Variants in SEMA6A observed in about 807,000 individuals in gnomAD.
SEMA6A encodes the protein semaphorin 6A.
In SEMA6A, 25 loss-of-function variants were observed where a neutral mutation model predicts 96.8. That is an observed-to-expected ratio of 0.26 (90% CI 0.19 to 0.36). The LOEUF (loss-of-function observed/expected upper bound fraction) is 0.36. SEMA6A is among the 10% of genes least tolerant of loss of function. The pLI, the probability that SEMA6A is intolerant of heterozygous loss-of-function variation, is 1.00. For synonymous variants in SEMA6A, 612 were observed against 518.0 expected, an observed-to-expected ratio of 1.18 and a Z score of -2.46; for missense variants, 1,363 against 1,323.1, an observed-to-expected ratio of 1.03 and a Z score of -0.47.
At position 116,488,933 on chromosome 5, in the gene SEMA6A, T is replaced by C. The variant is rs1157372644; in HGVS notation, c.610A>G (p.Ser204Gly). Residue 204 changes from serine (S) to glycine (G), a missense_variant, in exon 8 of 19, where the codon AGC becomes GGC. Coordinates refer to ENST00000343348, the MANE Select transcript of SEMA6A (RefSeq NM_020796.5). ...DAVIYRSLGE[S>G]PTLRTVKHDS... ...TGCTTGACGGTCCGCAGGGTAGGGC[T>C]TTCTCCAAGACTCCGGTAAATGACT... is the stretch of plus-strand genomic sequence containing the variant. 6.3e-7 allele frequency: 1 copy of C among 1,589,784 alleles called. No homozygotes were observed. The highest frequency in any genetic ancestry group is 8.6e-7 in the Non-Finnish European group (1 of 1,167,026).
intron 18 of SEMA6A, 150 bp downstream of exon 18, chr5:116,467,433 T>G: frequency 1.5e-6 from 1 of 685,666 alleles, no homozygotes; most frequent in Middle Eastern, 4.2e-4. Context: ...ACATAGAGGA[T>G]GGGGTTGCAG....
chr5:116,511,779 A>G (rs1446590397), intron 1 of SEMA6A, among the ~76,000 whole-genome samples: 3 of 152,222 alleles, frequency 2.0e-5, no homozygotes, highest in South Asian at 2.1e-4. Flanking sequence ...TTCTCTCATG[A>G]ACACCACTGT....
chr5:116,549,008 A>G (rs1760297274), intron 1 of SEMA6A, among the ~76,000 whole-genome samples: 1 of 152,206 alleles, frequency 6.6e-6, no homozygotes, highest in African/African-American at 2.4e-5. Flanking sequence ...GGAAAGACCA[A>G]ATAAGCACTT....
intron 1 of SEMA6A, among the ~76,000 whole-genome samples, chr5:116,522,533 A>G (rs1372541765): frequency 1.3e-5 from 2 of 152,196 alleles, no homozygotes; most frequent in Non-Finnish European, 2.9e-5. Context: ...GGTGGTTTAC[A>G]CAGCACTATA....
intron 1 of SEMA6A, among the ~76,000 whole-genome samples, chr5:116,512,266 G>C (rs1758441644): frequency 6.6e-6 from 1 of 152,152 alleles, no homozygotes; most frequent in African/African-American, 2.4e-5. Context: ...GGAACCACGA[G>C]GGCCGCCTGT....
intron 15 of SEMA6A, among the ~76,000 whole-genome samples, chr5:116,476,097 C>G (rs2112679675): frequency 6.6e-6 from 1 of 152,220 alleles, no homozygotes; most frequent in Non-Finnish European, 1.5e-5. Context: ...AGTGAGGGGA[C>G]AGGAGCCGGT....
In SEMA6A at chr5:116,536,866, T is replaced by TAAAAAAAAAAAAAAAAAAAA. The variant is rs72214884; in HGVS notation, c.-38-31904_-38-31885dup. Among the ~76,000 whole-genome samples, 23 of 69,518 alleles carry TAAAAAAAAAAAAAAAAAAAA rather than the reference T, an allele frequency of 3.3e-4. 1 individual carries two copies. The highest frequency in any genetic ancestry group is 4.6e-4 in the Non-Finnish European group (16 of 34,882). The allele number at this position is 69,518 out of a possible 152,430, so 45.6% of individuals were successfully genotyped here. ...TTTATTCAGTCCCCGTGTGATTTCT[T>TAAAAAAAAAAAAAAAAAAAA]AAAAAAAAAAAAAAAAAAAAAAAAA... On this transcript the variant is annotated intron_variant, in intron 1 of 18. Transcript: ENST00000343348.
At chr5:116,541,977 C>T (rs1041827682) in intron 1 of SEMA6A, among the ~76,000 whole-genome samples, 3 of 152,222 alleles carry the variant, frequency 2.0e-5, no homozygotes, top group African/African-American at 7.2e-5. Flanking sequence ...TGCAGAAGCA[C>T]ATGTCATATC....
At chr5:116,536,573 T>C (rs916573806) in intron 1 of SEMA6A, 2 of 152,104 alleles carry the variant, frequency 1.3e-5, no homozygotes, top group African/African-American at 4.8e-5. Flanking sequence ...GAATGCATCA[T>C]TGCAATAAAA....
intron 1 of SEMA6A, among the ~76,000 whole-genome samples, chr5:116,525,447 G>A (rs1349257984): frequency 6.6e-6 from 1 of 152,040 alleles, no homozygotes; most frequent in African/African-American, 2.4e-5. Flanking sequence ...GAGTTTCACT[G>A]GAAACTCAAA....
intron 1 of SEMA6A, among the ~76,000 whole-genome samples, chr5:116,533,027 G>A (rs780699603): frequency 1.3e-5 from 2 of 152,190 alleles, no homozygotes; most frequent in Non-Finnish European, 2.9e-5. Flanking sequence ...CCCTGTGTAG[G>A]CATGGCAGAA....
chr5:116,530,979 T>C (rs891003678), intron 1 of SEMA6A, among the ~76,000 whole-genome samples: 3 of 152,176 alleles, frequency 2.0e-5, no homozygotes, highest in African/African-American at 7.2e-5. Flanking sequence ...ATTTGACAGA[T>C]AAGGAGACTT....
Position 116,480,181 on chromosome 5 carries a change from G to A in SEMA6A, c.1191C>T (p.Leu397=), listed in dbSNP as rs1756678754. ...DTLNFIKTHP[L]MDEAVPSIFN... ...AGATGGAGGGCACTGCCTCATCCAT[G>A]AGCGGGTGCGTCTTGATGAAGTTCA... Residue 397 remains leucine (L), a synonymous_variant, in exon 12 of 19, where the codon CTC becomes CTT. Transcript: ENST00000343348. The A allele has an allele frequency of 1.2e-6, 2 of 1,613,750 alleles. No homozygotes were observed. Among genetic ancestry groups the A allele is most frequent in the East Asian group, 2.2e-5 (1 of 44,886 alleles).
intron 2 of SEMA6A, among the ~76,000 whole-genome samples, chr5:116,503,889 GTTTGGAA>G (rs1394098539): frequency 2.0e-5 from 3 of 152,314 alleles, no homozygotes; most frequent in Admixed American, 6.5e-5. Flanking sequence ...TGTTTATTAA[GTTTGGAA>G]CCTTGAGTTA....
chr5:116,453,062 C>G (rs559224959), intron 18 of SEMA6A, among the ~76,000 whole-genome samples: 1 of 152,332 alleles, frequency 6.6e-6, no homozygotes, highest in East Asian at 1.9e-4. Flanking sequence ...TAAAGATGCA[C>G]AGGATCTTAG....
chr5:116,538,618 A>T (rs1021208421), intron 1 of SEMA6A, among the ~76,000 whole-genome samples: 5 of 152,146 alleles, frequency 3.3e-5, no homozygotes, highest in African/African-American at 7.2e-5. Flanking sequence ...AAAGTTTGAA[A>T]TTTTTTTATC....
In SEMA6A at chr5:116,488,158, T is replaced by C; in HGVS notation, c.694A>G (p.Ile232Val). 6.2e-7 allele frequency: 1 copy of C among 1,612,360 alleles called. No homozygotes were observed. The highest frequency in any genetic ancestry group is 1.1e-5 in the South Asian group (1 of 90,632). ...FVQAVDYGDY[I>V]YFFFREIAVE... ...GCTATTTCCCTGAAGAAGAAGTAGA[T>C]ATAATCTCCGTAATCCACGGCTTGA... The change falls in exon 9 of 19, where the codon ATC becomes GTC. Residue 232 changes from isoleucine to valine, a missense_variant. Transcript: ENST00000343348.
chr5:116,569,685 G>A (rs1761132380), intron 1 of SEMA6A, among the ~76,000 whole-genome samples: 1 of 152,122 alleles, frequency 6.6e-6, no homozygotes. Context: ...TATTCCAAAG[G>A]TGGAGCCAAC....
intron 15 of SEMA6A, among the ~76,000 whole-genome samples, chr5:116,477,041 C>G: frequency 6.6e-6 from 1 of 152,114 alleles, no homozygotes; most frequent in East Asian, 1.9e-4. Context: ...TTCTGTTCCC[C>G]CTTTGGATCT....
Sources: allele counts gnomAD v4.1 joint callset (sites outside exome capture counted in the v4.1 genomes callset), GRCh38; gene constraint gnomAD v4.1.1; transcripts MANE v1.5; gene names NCBI Gene and HGNC (gene_info 2026-07-23, HGNC 2026-07-21).